C1orf174: variants seen among roughly 807,000 people sequenced by gnomAD.
C1orf174 encodes the protein UPF0688 protein C1orf174.
C1orf174 carries 13 observed loss-of-function variants against 18.4 expected under a neutral mutation model. The ratio of observed to expected loss-of-function variants is 0.71; its 90% confidence interval spans 0.46 to 1.12. The LOEUF is 1.12. Ranked by LOEUF, C1orf174 falls within the 50% of genes most tolerant of loss-of-function variation. The pLI is 0.00. For missense variants in C1orf174, 309 were observed against 308.0 expected, an observed-to-expected ratio of 1.00 and a Z score of -0.02; for synonymous variants, 100 against 118.3, an observed-to-expected ratio of 0.85 and a Z score of 1.01.
At position 3,889,988 on chromosome 1, in the gene C1orf174, T is replaced by C; in HGVS notation, c.704A>G (p.Asp235Gly). The change falls in exon 4 of 4, where the codon GAT (aspartate) becomes GGT (glycine). Residue 235 changes from aspartate (D) to glycine (G), a missense_variant. Transcript: ENST00000361605. ...CATTTCTGCATCATCGTCGTCGTCA[T>C]CATCATCATCTTTGGCTCTGAAATG... ...KMHFRAKDDDDDDDDDAEM is the reference protein window; with the variant it reads ...KMHFRAKDDDGDDDDDAEM 1 of 1,614,188 alleles carries C rather than the reference T, an allele frequency of 6.2e-7. No individual in the cohort carries two copies. Among genetic ancestry groups the C allele is most frequent in the Non-Finnish European group, 8.5e-7 (1 of 1,180,016 alleles).
intron 1 of C1orf174, among the ~76,000 whole-genome samples, chr1:3,894,963 C>T (rs1012831637): frequency 6.6e-6 from 1 of 152,224 alleles, no homozygotes; most frequent in South Asian, 2.1e-4. Flanking sequence ...ACAGAACTTG[C>T]TAAGAGTTGC....
rs542259655 is a variant in C1orf174, at chr1:3,896,447, C to T, written c.16-3451G>A. Among the ~76,000 whole-genome samples the T allele has an allele frequency of 2.0e-5, 3 of 152,336 alleles. No individual in the cohort carries two copies. The South Asian group carries it at 6.2e-4, about 32-fold the overall frequency. On this transcript the variant is annotated intron_variant, in intron 1 of 3. Transcript: ENST00000361605. ...CCCAGCCCCTATTCAGAGAGGAGCC[C>T]ATTACTGTCCTCAGCTGCAGGCCCT... is the stretch of plus-strand genomic sequence containing the variant.
chr1:3,899,003 T>C lies in C1orf174; in HGVS notation c.15+1169A>G, dbSNP rs113691300. On this transcript the variant is annotated intron_variant, in intron 1 of 3. Coordinates refer to ENST00000361605, the MANE Select transcript of C1orf174 (RefSeq NM_207356.3). ...AGATGTATATGGAGAATATGAAGAT[T>C]AAGCTGTATACGGTAAAACATAAAG... 9.3e-3 allele frequency among the ~76,000 whole-genome samples: 1,412 copies of C among 152,296 alleles called. 23 individuals are homozygous for C. The highest frequency in any genetic ancestry group is 0.032 in the African/African-American group (1,334 of 41,560).
chr1:3,895,369 G>A (rs1005142598), intron 1 of C1orf174: 1 of 152,266 alleles, frequency 6.6e-6, no homozygotes, highest in African/African-American at 2.4e-5. Flanking sequence ...TGTGTTCTAC[G>A]CCTGCACGTC....
chr1:3,896,159 C>T (rs891753669), intron 1 of C1orf174: 3 of 152,718 alleles, frequency 2.0e-5, no homozygotes, highest in African/African-American at 7.2e-5. Flanking sequence ...CAGTGCTTCC[C>T]TTTCTGCTCT....
intron 1 of C1orf174, among the ~76,000 whole-genome samples, chr1:3,894,851 G>A (rs975071937): frequency 2.0e-5 from 3 of 152,150 alleles, no homozygotes; most frequent in Admixed American, 6.5e-5. Context: ...ACAGCACACC[G>A]GGGGCTGCGC....
chr1:3,895,248 C>G (rs570489495), intron 1 of C1orf174: 2 of 152,384 alleles, frequency 1.3e-5, no homozygotes, highest in African/African-American at 4.8e-5. Context: ...TGAGGTTATA[C>G]GAGTGATGCC....
rs1638539565 is a variant in C1orf174, at chr1:3,892,989, C to A, written c.23G>T (p.Gly8Val). MRSRKLT[G>V]AVRSSARLKA... is the part of the protein sequence containing the mutation. ...CAAGCGCGCTGAAGACCGCACTGCACCTGTGAGCTAGAGAGATTGAGAGCC... is the reference window on the plus strand; with the variant it reads ...CAAGCGCGCTGAAGACCGCACTGCAACTGTGAGCTAGAGAGATTGAGAGCC... The change falls in exon 2 of 4, where the codon GGT (glycine) becomes GTT (valine). Residue 8 changes from glycine to valine, a missense_variant. Gly to Val is a moderately radical substitution (Grantham distance 109, BLOSUM62 -3). Transcript: ENST00000361605. The A allele has an allele frequency of 2.5e-6, 4 of 1,613,842 alleles. No homozygotes were observed. Among genetic ancestry groups the A allele is most frequent in the South Asian group, 1.1e-5 (1 of 91,030 alleles).
At position 3,892,938 on chromosome 1, in the gene C1orf174, C is replaced by G; in HGVS notation, c.74G>C (p.Arg25Thr). The change falls in exon 2 of 4, where the codon AGG becomes ACG. Residue 25 changes from arginine (R) to threonine (T), a missense_variant. Transcript: ENST00000361605. Reference sequence around the variant, plus strand: ...AGCAACTTCCTGGGCAGAGGCCAACCTGGCTGCCGAACAACTTCGTGCTTT... The same window carrying G: ...AGCAACTTCCTGGGCAGAGGCCAACGTGGCTGCCGAACAACTTCGTGCTTT... ...RLKARSCSAA[R>T]LASAQEVAGS... 6.2e-7 allele frequency: 1 copy of G among 1,614,210 alleles called. No individual in the cohort carries two copies. The highest frequency in any genetic ancestry group is 8.5e-7 in the Non-Finnish European group (1 of 1,180,030).
At chr1:3,897,813 G>A (rs140430335) in intron 1 of C1orf174, among the ~76,000 whole-genome samples, 314 of 152,110 alleles carry the variant, frequency 2.1e-3, no homozygotes, top group African/African-American at 6.7e-3. Flanking sequence ...ACAGGCGCCC[G>A]CCACCACGCC....
In C1orf174 at chr1:3,890,743, G is replaced by A. The variant is rs772352724; in HGVS notation, c.444C>T (p.Ser148=). Residue 148 remains serine, a synonymous_variant, in exon 3 of 4, where the codon TCC becomes TCT. Coordinates refer to ENST00000361605, the MANE Select transcript of C1orf174 (RefSeq NM_207356.3). Reference sequence around the variant, plus strand: ...AGCTGCTGTTGGATTCTTCTGCTCCGGACCCGGCACTGTGTTTTGGCACGG... The same window carrying A: ...AGCTGCTGTTGGATTCTTCTGCTCCAGACCCGGCACTGTGTTTTGGCACGG... The part of the protein sequence containing the change: ...GLSVPKHSAG[S]GAEESNSSST... 9 of 1,613,810 alleles carry A rather than the reference G, an allele frequency of 5.6e-6. No homozygotes were observed. The Admixed American group carries it at 1.0e-4, about 18-fold the overall frequency.
chr1:3,891,804 G>A, intron 2 of C1orf174: 1 of 986,358 alleles, frequency 1.0e-6, no homozygotes. Flanking sequence ...ATGAGCACAA[G>A]TGGCCTCAGA....
At chr1:3,891,265 T>G in intron 2 of C1orf174, 1 of 623,294 alleles carries the variant, frequency 1.6e-6, no homozygotes, top group Admixed American at 3.4e-5. Flanking sequence ...CTCCTACACT[T>G]TCAGTTTTCC....
At chr1:3,893,044 T>C (rs750889860) in intron 1 of C1orf174, 48 bp from the exon 2 acceptor site, 6 of 1,590,976 alleles carry the variant, frequency 3.8e-6, no homozygotes, top group East Asian at 2.3e-5. Context: ...GAAGGCAGCA[T>C]GAACATGTAG....
At chr1:3,894,325 C>T (rs12094819) in intron 1 of C1orf174, among the ~76,000 whole-genome samples, 29,762 of 151,824 alleles carry the variant, frequency 0.2, 3,227 homozygotes, top group African/African-American at 0.28. Context: ...TAATCTGTCT[C>T]GGCTGGGCGC....
chr1:3,895,318 G>A (rs1553173913), intron 1 of C1orf174: 1 of 152,274 alleles, frequency 6.6e-6, no homozygotes, highest in Non-Finnish European at 1.5e-5. Context: ...CCCAACAACT[G>A]CCTGAGGTGG....
intron 1 of C1orf174, among the ~76,000 whole-genome samples, chr1:3,897,415 A>G (rs1638625721): frequency 6.6e-6 from 1 of 152,252 alleles, no homozygotes; most frequent in South Asian, 2.1e-4. Context: ...GCTTAATAGT[A>G]GAACTGAACT....
Position 3,889,720 on chromosome 1 carries a change from A to G in C1orf174, c.*240T>C. On this transcript the variant is annotated 3_prime_UTR_variant, in exon 4 of 4. Coordinates refer to ENST00000361605, the MANE Select transcript of C1orf174 (RefSeq NM_207356.3). ...CCAAGGAAAAAAAAAAAAAAAAAAAAAGAAAGGACATTGGCACAGTACAGC... is the reference window on the plus strand; with the variant it reads ...CCAAGGAAAAAAAAAAAAAAAAAAAGAGAAAGGACATTGGCACAGTACAGC... The G allele has an allele frequency of 3.1e-6, 1 of 326,602 alleles. No homozygotes were observed. Among genetic ancestry groups the G allele is most frequent in the Non-Finnish European group, 5.6e-6 (1 of 177,248 alleles). 20.2% of individuals were successfully genotyped at this position (326,602 alleles called of 1,614,324 possible). A position where few individuals can be genotyped will look rare whatever the true frequency, so the allele number is the denominator to read the frequency against.
chr1:3,899,464 C>A (rs1465585580), intron 1 of C1orf174, among the ~76,000 whole-genome samples: 2 of 152,186 alleles, frequency 1.3e-5, no homozygotes, highest in South Asian at 2.1e-4. Context: ...AACTGTTACA[C>A]CCACGCAATG....
Sources: gnomAD v4.1 joint callset for allele counts (sites outside exome capture counted in the v4.1 genomes callset) on GRCh38, gnomAD v4.1.1 for gene constraint, MANE v1.5 for transcripts, NCBI Gene and HGNC (gene_info 2026-07-23, HGNC 2026-07-21) for gene names.